PHKB: variants seen among roughly 807,000 people sequenced by gnomAD.
The protein encoded by PHKB is phosphorylase b kinase regulatory subunit beta.
PHKB carries 122 observed loss-of-function variants against 152.1 expected under a neutral mutation model. The observed-to-expected ratio is 0.80, with a 90% CI of 0.69 to 0.93. The LOEUF is 0.93. Among genes scored for constraint, PHKB ranks in the 40% least tolerant of loss-of-function variants. PHKB has a pLI of 0.00. For synonymous variants in PHKB, 436 were observed against 464.9 expected (o/e 0.94, Z 0.80); for missense variants, 1,304 against 1,328.4 (o/e 0.98, Z 0.29).
rs1974100234 is a variant in PHKB at position 47,693,561 on chromosome 16, A to G, written c.2895+54A>G. On this transcript the variant is annotated intron_variant, in intron 28 of 30. Transcript: ENST00000323584. ...AAGGAGACTTCGCAAAGGGTAGTGA[A>G]TCCTTTCCTCTTGCACTGCAAATAA... 4.4e-6 allele frequency: 7 copies of G among 1,589,428 alleles called. No homozygotes were observed. In the African/African-American group the frequency reaches 5.4e-5, roughly 12 times the overall value.
intron 1 of PHKB, chr16:47,463,859 T>C: frequency 7.0e-7 from 1 of 1,434,572 alleles, no homozygotes; most frequent in Non-Finnish European, 9.8e-7. Flanking sequence ...TAACACTGAT[T>C]GCTTCTAACC....
intron 1 of PHKB, among the ~76,000 whole-genome samples, chr16:47,479,501 C>A (rs1255801701): frequency 6.6e-6 from 1 of 150,708 alleles, no homozygotes; most frequent in Admixed American, 6.6e-5. Context: ...CACTGTAGAG[C>A]CTTGGATCTA....
chr16:47,663,729 A>G lies in PHKB; in HGVS notation c.2331A>G (p.Lys777=), dbSNP rs1315025306. The G allele has an allele frequency of 1.2e-6, 2 of 1,602,496 alleles. No individual in the cohort carries two copies. The highest frequency in any genetic ancestry group is 1.3e-5 in the African/African-American group (1 of 74,508). Residue 777 remains lysine (K), a synonymous_variant, in exon 24 of 31, where the codon AAA becomes AAG. Coordinates refer to ENST00000323584, the MANE Select transcript of PHKB (RefSeq NM_000293.3). ...ERVYRRAGSQ[K]LWLAVRYGAA... ...TCTATAGAAGAGCTGGCAGCCAAAA[A>G]CTTTGGTTTGTATTAGTGTCCTTGT...
intron 25 of PHKB, 99 bp from the exon 26 acceptor site, chr16:47,669,116 G>A: frequency 1.2e-6 from 1 of 847,522 alleles, no homozygotes. Flanking sequence ...CTTATATAGA[G>A]TAATTTCAGC....
chr16:47,671,243 A>G (rs762445674), intron 26 of PHKB, among the ~76,000 whole-genome samples: 2 of 152,104 alleles, frequency 1.3e-5, no homozygotes, highest in Non-Finnish European at 2.9e-5. Context: ...TTTGCATTCA[A>G]TGTTCTTTTA....
intron 7 of PHKB, among the ~76,000 whole-genome samples, chr16:47,548,970 T>A (rs1971223579): frequency 6.6e-6 from 1 of 152,186 alleles, no homozygotes; most frequent in African/African-American, 2.4e-5. Context: ...AATATTTAAA[T>A]TAAAAGGACT....
chr16:47,648,428 C>A, intron 16 of PHKB, 105 bp from the exon 17 acceptor site: 1 of 852,832 alleles, frequency 1.2e-6, no homozygotes. Context: ...GGTTCCCTAG[C>A]TTCTTTCTCT....
chr16:47,603,686 T>C (rs1408132623), intron 13 of PHKB, among the ~76,000 whole-genome samples: 1 of 151,930 alleles, frequency 6.6e-6, no homozygotes, highest in East Asian at 1.9e-4. Flanking sequence ...TGTATTTTTA[T>C]TGGAGGCGGG....
intron 25 of PHKB, chr16:47,665,988 A>G (rs1050302): frequency 6.2e-7 from 1 of 1,614,098 alleles, no homozygotes; most frequent in Admixed American, 1.7e-5. Context: ...AGTAGTGGAC[A>G]GCCTGGCCCC....
intron 14 of PHKB, among the ~76,000 whole-genome samples, chr16:47,624,897 TA>T (rs1032389205): frequency 5.3e-4 from 81 of 152,238 alleles, no homozygotes; most frequent in African/African-American, 1.7e-3. Context: ...CCTAATTTGA[TA>T]ACTCCAATGA....
In PHKB at chr16:47,604,600, T is replaced by A. The variant is rs9937398; in HGVS notation, c.1364-6226T>A. On this transcript the variant is annotated intron_variant, in intron 13 of 30. Transcript: ENST00000323584. The stretch of plus-strand genomic sequence containing the variant: ...ATAATTTTACCCTGTAAGTATCTGC[T>A]GAGCCTATTTTAGTATGTCCTATGT... Among the ~76,000 whole-genome samples, 636 of 152,362 alleles carry A rather than the reference T, an allele frequency of 4.2e-3. 5 individuals are homozygous for A. Among genetic ancestry groups the A allele is most frequent in the African/African-American group, 0.015 (606 of 41,592 alleles).
intron 14 of PHKB, among the ~76,000 whole-genome samples, chr16:47,618,129 G>A (rs1972552560): frequency 6.6e-6 from 1 of 152,188 alleles, no homozygotes; most frequent in Non-Finnish European, 1.5e-5. Context: ...CAGCACTTTG[G>A]TGATACTCTA....
intron 1 of PHKB, among the ~76,000 whole-genome samples, chr16:47,476,437 A>C (rs1384858875): frequency 1.3e-5 from 2 of 152,094 alleles, no homozygotes; most frequent in Non-Finnish European, 2.9e-5. Flanking sequence ...ACTTTATCCC[A>C]ATTCTTAATA....
intron 14 of PHKB, among the ~76,000 whole-genome samples, chr16:47,623,851 C>T (rs1447198526): frequency 2.0e-5 from 3 of 152,138 alleles, no homozygotes; most frequent in Non-Finnish European, 2.9e-5. Context: ...AGCCACCTCG[C>T]CCAGCCTGAC....
chr16:47,535,752 ACT>A (rs1567295975), intron 6 of PHKB, among the ~76,000 whole-genome samples: 1 of 152,142 alleles, frequency 6.6e-6, no homozygotes, highest in Non-Finnish European at 1.5e-5. Context: ...ATTTCATTTA[ACT>A]CTGTTTTGAA....
intron 6 of PHKB, among the ~76,000 whole-genome samples, chr16:47,537,946 G>C (rs1278004290): frequency 6.6e-6 from 1 of 151,930 alleles, no homozygotes; most frequent in African/African-American, 2.4e-5. Flanking sequence ...CCAGGCTGGA[G>C]TGCAGTGGCG....
chr16:47,685,361 G>A (rs1402977320), intron 26 of PHKB, among the ~76,000 whole-genome samples: 1 of 152,138 alleles, frequency 6.6e-6, no homozygotes, highest in African/African-American at 2.4e-5. Flanking sequence ...GGAGCCGGAG[G>A]TTGCGGTGAG....
At chr16:47,649,239 A>G in intron 18 of PHKB, 35 bp downstream of exon 18, 3 of 1,117,212 alleles carry the variant, frequency 2.7e-6, no homozygotes, top group Non-Finnish European at 4.1e-6. Flanking sequence ...AAATGGAATG[A>G]GTTTGTTTCC....
chr16:47,462,888 A>AT (rs913226935), intron 1 of PHKB: 5 of 152,240 alleles, frequency 3.3e-5, no homozygotes, highest in African/African-American at 7.2e-5. Context: ...GTATGAGATA[A>AT]TTTTTTCAAA....
Sources: allele counts gnomAD v4.1 joint callset (sites outside exome capture counted in the v4.1 genomes callset), GRCh38; gene constraint gnomAD v4.1.1; transcripts MANE v1.5; gene names NCBI Gene and HGNC (gene_info 2026-07-23, HGNC 2026-07-21).